SH3BGR: variants seen among roughly 807,000 people sequenced by gnomAD.
SH3BGR encodes SH3 domain-binding glutamic acid-rich protein.
A neutral mutation model predicts 24.5 loss-of-function variants in SH3BGR; 29 were observed. The ratio of observed to expected loss-of-function variants is 1.18; its 90% CI spans 0.88 to 1.61. SH3BGR has a LOEUF of 1.61. Among genes scored for constraint, SH3BGR ranks in the 40% most tolerant of loss-of-function variants. The probability of loss-of-function intolerance (pLI) is 0.00; values close to 1 mark genes in which losing one functional copy is unlikely to be tolerated. For missense variants in SH3BGR, 162 were observed against 205.8 expected, an observed-to-expected ratio of 0.79 and a Z score of 1.30; for synonymous variants, 55 against 65.7, an observed-to-expected ratio of 0.84 and a Z score of 0.79.
In SH3BGR at chr21:39,510,908, A is replaced by AATATATATATATAT. The variant is rs1340963103; in HGVS notation, c.436-772_436-771insATATATATATATAT. 9.9e-5 allele frequency among the ~76,000 whole-genome samples: 2 copies of AATATATATATATAT among 20,284 alleles called. 1 individual carries two copies. The highest frequency in any genetic ancestry group is 4.2e-3 in the South Asian group (2 of 472). 13.3% of individuals were successfully genotyped at this position (20,284 alleles called of 152,430 possible). A position where few individuals can be genotyped will look rare whatever the true frequency, so the allele number is the denominator to read the frequency against. On this transcript the variant is annotated intron_variant, in intron 5 of 6. Coordinates refer to ENST00000333634, the MANE Select transcript of SH3BGR (RefSeq NM_007341.3). ...ATTCTTTTTGTATTTGATTCTTCTA[A>AATATATATATATAT]CTATATATATATATATATATATATA... is the stretch of plus-strand genomic sequence containing the variant.
intron 2 of SH3BGR, among the ~76,000 whole-genome samples, chr21:39,469,142 A>T (rs2077893338): frequency 6.6e-6 from 1 of 151,808 alleles, no homozygotes; most frequent in Non-Finnish European, 1.5e-5. Flanking sequence ...TTTTTTCAAA[A>T]GTAAGAGGAA....
intron 3 of SH3BGR, among the ~76,000 whole-genome samples, chr21:39,497,874 C>T (rs1282780695): frequency 6.6e-6 from 1 of 152,132 alleles, no homozygotes; most frequent in South Asian, 2.1e-4. Context: ...ATTCATATAT[C>T]GCTGTGGGGA....
At chr21:39,452,193 G>A in intron 1 of SH3BGR, 52 bp downstream of exon 1, 7 of 1,610,300 alleles carry the variant, frequency 4.3e-6, no homozygotes, top group Non-Finnish European at 5.1e-6. Context: ...AATAACTTAG[G>A]GTTGGAAATA....
At chr21:39,508,085 A>G (rs1216018079) in intron 4 of SH3BGR, among the ~76,000 whole-genome samples, 1 of 152,204 alleles carries the variant, frequency 6.6e-6, no homozygotes, top group African/African-American at 2.4e-5. Flanking sequence ...CTGTGGCCTC[A>G]GTGTCCTCAT....
intron 3 of SH3BGR, among the ~76,000 whole-genome samples, chr21:39,498,402 G>A (rs1440102124): frequency 3.3e-5 from 5 of 152,152 alleles, no homozygotes; most frequent in Non-Finnish European, 7.3e-5. Context: ...CAGGGAGGAG[G>A]TGTAGACCTA....
chr21:39,502,060 C>T (rs920321997), intron 4 of SH3BGR, among the ~76,000 whole-genome samples: 4 of 152,220 alleles, frequency 2.6e-5, no homozygotes, highest in Non-Finnish European at 5.9e-5. Flanking sequence ...GTAATCCCAG[C>T]TATTTGGGAA....
chr21:39,492,179 A>C (rs970824059), intron 3 of SH3BGR, among the ~76,000 whole-genome samples: 57 of 152,036 alleles, frequency 3.7e-4, no homozygotes, highest in African/African-American at 1.4e-3. Flanking sequence ...TGCACCCATC[A>C]CCCAAGCAGT....
At chr21:39,462,327 G>A in intron 1 of SH3BGR, 48 bp from the exon 2 acceptor site, 4 of 1,438,852 alleles carry the variant, frequency 2.8e-6, no homozygotes, top group Middle Eastern at 1.8e-4. Context: ...GTAAATGTAA[G>A]CAAAATATTT....
chr21:39,507,408 A>G (rs1219109161), intron 4 of SH3BGR, among the ~76,000 whole-genome samples: 1 of 152,118 alleles, frequency 6.6e-6, no homozygotes, highest in Non-Finnish European at 1.5e-5. Flanking sequence ...ATCTTGACTC[A>G]CCGCAACCTC....
intron 2 of SH3BGR, among the ~76,000 whole-genome samples, chr21:39,470,016 C>T (rs1425943452): frequency 6.6e-6 from 1 of 151,896 alleles, no homozygotes; most frequent in Admixed American, 6.6e-5. Context: ...TCTTTTTTGA[C>T]CCATGTATTG....
chr21:39,475,021 CT>C, intron 2 of SH3BGR, 113 bp from the exon 3 acceptor site: 1 of 637,260 alleles, frequency 1.6e-6, no homozygotes. Context: ...ACTGGGATGA[CT>C]TTTTGTGTGA....
rs1008523912 is a variant in SH3BGR at position 39,511,476 on chromosome 21, C to T, written c.436-204C>T. Among the ~76,000 whole-genome samples the T allele has an allele frequency of 3.3e-5, 4 of 121,860 alleles. No individual in the cohort carries two copies. Among genetic ancestry groups the T allele is most frequent in the African/African-American group, 6.4e-5 (2 of 31,466 alleles). 79.9% of individuals were successfully genotyped at this position (121,860 alleles called of 152,430 possible). The stretch of plus-strand genomic sequence containing the variant: ...TTTCCGTGGTGTGTGTGTGTTTGGG[C>T]GGTATGTGTGTGGGGTGTGTGTGTG... On this transcript the variant is annotated intron_variant, in intron 5 of 6. Coordinates refer to ENST00000333634, the MANE Select transcript of SH3BGR (RefSeq NM_007341.3). This position sits in a 1 kb window ranked among gnomAD's most constrained non-coding sequence, Gnocchi z 4.2.
intron 4 of SH3BGR, among the ~76,000 whole-genome samples, chr21:39,501,047 A>G (rs1445237080): frequency 6.6e-6 from 1 of 152,266 alleles, no homozygotes; most frequent in African/African-American, 2.4e-5. Context: ...GGCAGCCTGT[A>G]TAATTCAGAA....
chr21:39,491,540 C>T (rs2078299302), intron 3 of SH3BGR: 2 of 275,068 alleles, frequency 7.3e-6, no homozygotes, highest in Admixed American at 7.8e-5. Flanking sequence ...AAGGCCTCAG[C>T]TACTTACATG....
intron 1 of SH3BGR, among the ~76,000 whole-genome samples, chr21:39,459,296 C>T (rs1439910901): frequency 6.6e-6 from 1 of 151,734 alleles, no homozygotes; most frequent in Non-Finnish European, 1.5e-5. Context: ...ACGATATCTG[C>T]TCACTGCAAC....
chr21:39,485,718 C>T (rs1451626166), intron 3 of SH3BGR, among the ~76,000 whole-genome samples: 6 of 144,722 alleles, frequency 4.1e-5, no homozygotes, highest in African/African-American at 1.3e-4. Flanking sequence ...GACGGAGTCT[C>T]GCTCTGTCGC....
At chr21:39,499,951 T>A in intron 4 of SH3BGR, 36 bp downstream of exon 4, 1 of 1,436,902 alleles carries the variant, frequency 7.0e-7, no homozygotes, top group Non-Finnish European at 9.8e-7. Flanking sequence ...TTTGACTGGA[T>A]TCTCTGCTGT....
chr21:39,513,849 T>C (rs1168752290), intron 6 of SH3BGR, among the ~76,000 whole-genome samples: 1 of 152,170 alleles, frequency 6.6e-6, no homozygotes, highest in Non-Finnish European at 1.5e-5. Flanking sequence ...TTCACTCAGC[T>C]TGGAAAGTTC....
chr21:39,496,959 A>C lies in SH3BGR; in HGVS notation c.313-2864A>C, dbSNP rs1375493908. Reference sequence around the variant, plus strand: ...TATTTTTTAATTTTTGGAACTAAGAAACATTATCTTAAAATGTATTTGGAA... The same window carrying C: ...TATTTTTTAATTTTTGGAACTAAGACACATTATCTTAAAATGTATTTGGAA... On this transcript the variant is annotated intron_variant, in intron 3 of 6. Transcript: ENST00000333634. Among the ~76,000 whole-genome samples, 4 of 152,176 alleles carry C rather than the reference A, an allele frequency of 2.6e-5. 1 individual carries two copies. In the East Asian group the frequency reaches 7.7e-4, roughly 29 times the overall value.
Sources: allele counts gnomAD v4.1 joint callset (sites outside exome capture counted in the v4.1 genomes callset), GRCh38; gene constraint gnomAD v4.1.1; non-coding constraint Gnocchi (gnomAD v3.1); transcripts MANE v1.5; gene names NCBI Gene and HGNC (gene_info 2026-07-23, HGNC 2026-07-21).